Variants in DNAL4 observed in about 807,000 individuals in gnomAD.
The protein encoded by DNAL4 is dynein axonemal light chain 4.
Under a neutral mutation model 12.6 loss-of-function variants are expected in DNAL4, and 10 were observed. That is an observed-to-expected ratio of 0.79 (90% CI 0.49 to 1.34). The LOEUF (loss-of-function observed/expected upper bound fraction) is 1.34. DNAL4 is among the 40% of genes most tolerant of loss of function. The pLI is 0.00. For missense variants in DNAL4, 128 were observed against 138.1 expected, an observed-to-expected ratio of 0.93 and a Z score of 0.37; for synonymous variants, 46 against 53.1, an observed-to-expected ratio of 0.87 and a Z score of 0.58.
intron 1 of DNAL4, among the ~76,000 whole-genome samples, chr22:38,787,346 A>G (rs947518341): frequency 1.3e-5 from 2 of 151,648 alleles, no homozygotes; most frequent in African/African-American, 2.4e-5. Context: ...GGTTCAAGCA[A>G]TTCTTCTGAC....
intron 1 of DNAL4, among the ~76,000 whole-genome samples, chr22:38,790,801 T>G (rs1197706435): frequency 2.0e-5 from 3 of 152,212 alleles, no homozygotes; most frequent in Non-Finnish European, 4.4e-5. Context: ...GGCTACAAAC[T>G]TGTATAGCAT....
chr22:38,780,974 G>A lies in DNAL4; in HGVS notation c.105C>T (p.Thr35=), dbSNP rs561428787. 3.1e-6 allele frequency: 5 copies of A among 1,614,180 alleles called. No individual in the cohort carries two copies. Among genetic ancestry groups the A allele is most frequent in the East Asian group, 4.5e-5 (2 of 44,888 alleles). ...SDMPEEMRVE[T]MELCVTACEK... is the part of the protein sequence containing the mutation. ...CACAGGCTGTGACACATAGCTCCAT[G>A]GTCTCCACGCGCATCTCCTCTGGCA... is the stretch of plus-strand genomic sequence containing the variant. The change falls in exon 3 of 4, where the codon ACC becomes ACT. Residue 35 remains threonine, a synonymous_variant. Coordinates refer to ENST00000216068, the MANE Select transcript of DNAL4 (RefSeq NM_005740.3).
chr22:38,792,316 CTT>C (rs2083367149), intron 1 of DNAL4, among the ~76,000 whole-genome samples: 1 of 141,490 alleles, frequency 7.1e-6, no homozygotes, highest in South Asian at 2.2e-4. Flanking sequence ...AAGTTTTACT[CTT>C]GTTGCCCAGG....
At chr22:38,788,556 T>C (rs2093045783) in intron 1 of DNAL4, among the ~76,000 whole-genome samples, 4 of 152,206 alleles carry the variant, frequency 2.6e-5, no homozygotes. Flanking sequence ...TCCGACACCA[T>C]GTGATAAGTG....
intron 1 of DNAL4, among the ~76,000 whole-genome samples, chr22:38,789,913 A>G (rs1254429392): frequency 2.6e-5 from 4 of 152,230 alleles, no homozygotes; most frequent in African/African-American, 9.6e-5. Context: ...GGGAAAGTCT[A>G]ACAGTCCGAT....
rs2093029450 is a variant in DNAL4, at chr22:38,778,566, T to C, written c.*883A>G. 1 of 152,706 alleles carries C rather than the reference T, an allele frequency of 6.5e-6. No individual in the cohort carries two copies. The highest frequency in any genetic ancestry group is 2.1e-4 in the South Asian group (1 of 4,834). The allele number at this position is 152,706 out of a possible 1,614,324, so 9.5% of individuals were successfully genotyped here. On this transcript the variant is annotated 3_prime_UTR_variant, in exon 4 of 4. Transcript: ENST00000216068. The stretch of plus-strand genomic sequence containing the variant: ...GACATTTATATAAATAAGACCGCTG[T>C]GTAAAATACGATTCACCCTTCTACT...
intron 1 of DNAL4, among the ~76,000 whole-genome samples, chr22:38,785,130 C>A (rs2093040372): frequency 6.6e-6 from 1 of 152,168 alleles, no homozygotes; most frequent in African/African-American, 2.4e-5. Flanking sequence ...AGCACAATTT[C>A]ATTGTACTTT....
rs1454004052 is a variant in DNAL4, at chr22:38,779,684, AAGG to A, written c.154-74_154-72del. The A allele has an allele frequency of 2.0e-6, 3 of 1,509,498 alleles. No individual in the cohort carries two copies. Among genetic ancestry groups the A allele is most frequent in the Non-Finnish European group, 1.8e-6 (2 of 1,118,780 alleles). The allele number at this position is 1,509,498 out of a possible 1,614,324, so 93.5% of individuals were successfully genotyped here. A position where few individuals can be genotyped will look rare whatever the true frequency, so the allele number is the denominator to read the frequency against. Reference sequence around the variant, plus strand: ...GGCAGGAGTCAGGTCCTTCTCCAGGAAGGAGAAGGCTGGCACTGAGGTCTTGGC... The same window carrying A: ...GGCAGGAGTCAGGTCCTTCTCCAGGAAGAAGGCTGGCACTGAGGTCTTGGC... On this transcript the variant is annotated intron_variant, in intron 3 of 3. Coordinates refer to ENST00000216068, the MANE Select transcript of DNAL4 (RefSeq NM_005740.3). This position sits in a 1 kb window ranked among gnomAD's most constrained non-coding sequence, Gnocchi z 4.3.
intron 1 of DNAL4, among the ~76,000 whole-genome samples, chr22:38,791,198 T>C (rs1003043181): frequency 1.3e-5 from 2 of 150,468 alleles, no homozygotes; most frequent in Admixed American, 6.6e-5. Flanking sequence ...AGTAAAAATA[T>C]GCTATAAAAG....
At chr22:38,780,663 C>G (rs1438246767) in intron 3 of DNAL4, 1 of 477,078 alleles carries the variant, frequency 2.1e-6, no homozygotes, top group East Asian at 3.9e-5. Context: ...TATTCAGCAG[C>G]CCACCTGAGG....
chr22:38,780,928 C>T lies in DNAL4; in HGVS notation c.151G>A (p.Glu51Lys), dbSNP rs1158075390. The change falls in exon 3 of 4, where the codon GAG (glutamate) becomes AAG (lysine). Residue 51 changes from glutamate to lysine, a missense_variant and splice_region_variant. Transcript: ENST00000216068. ...GCCGCCTGCACTGCTGGCAATACCT[C>T]GTTGTTGTTGGAGAATTTCTCACAG... ...TACEKFSNNNESAAKMIKETM... is the reference protein window; with the variant it reads ...TACEKFSNNNKSAAKMIKETM... The T allele has an allele frequency of 3.7e-6, 6 of 1,614,108 alleles. No homozygotes were observed. The highest frequency in any genetic ancestry group is 1.7e-5 in the Admixed American group (1 of 60,004).
At chr22:38,788,476 G>A (rs962415304) in intron 1 of DNAL4, among the ~76,000 whole-genome samples, 1 of 152,156 alleles carries the variant, frequency 6.6e-6, no homozygotes, top group Non-Finnish European at 1.5e-5. Context: ...AGGAGTGGAG[G>A]GAAGGAGAGG....
intron 1 of DNAL4, among the ~76,000 whole-genome samples, chr22:38,790,942 T>C (rs893102543): frequency 2.0e-4 from 30 of 151,932 alleles, no homozygotes; most frequent in Admixed American, 3.9e-4. Flanking sequence ...CTGAGGTAGG[T>C]GGATCACTTG....
intron 1 of DNAL4, among the ~76,000 whole-genome samples, chr22:38,792,774 T>C (rs1210168179): frequency 6.6e-6 from 1 of 152,190 alleles, no homozygotes; most frequent in African/African-American, 2.4e-5. Flanking sequence ...AGCCTTTTGC[T>C]TGAATACCTC....
In DNAL4 at chr22:38,782,553, C is replaced by T; in HGVS notation, c.69+110G>A. 9.6e-7 allele frequency: 1 copy of T among 1,041,656 alleles called. No homozygotes were observed. Among genetic ancestry groups the T allele is most frequent in the Non-Finnish European group, 1.4e-6 (1 of 695,948 alleles). 64.5% of individuals were successfully genotyped at this position (1,041,656 alleles called of 1,614,324 possible). ...GATGTCTAGGTCTGAGCCAGCAGAG[C>T]CCTTCTTAACTTCCTCCCACTGCCA... On this transcript the variant is annotated intron_variant, in intron 2 of 3. Coordinates refer to ENST00000216068, the MANE Select transcript of DNAL4 (RefSeq NM_005740.3). This position sits in a 1 kb window ranked among gnomAD's most constrained non-coding sequence, Gnocchi z 5.1.
At chr22:38,791,754 G>C (rs898492679) in intron 1 of DNAL4, among the ~76,000 whole-genome samples, 5 of 151,540 alleles carry the variant, frequency 3.3e-5, no homozygotes, top group South Asian at 2.1e-4. Flanking sequence ...GCAGTAGTGT[G>C]ATCTCAGCTC....
At chr22:38,791,593 T>C (rs2093050697) in intron 1 of DNAL4, among the ~76,000 whole-genome samples, 1 of 152,156 alleles carries the variant, frequency 6.6e-6, no homozygotes, top group African/African-American at 2.4e-5. Context: ...GGTTTCTCCA[T>C]GTTGATCAGG....
chr22:38,786,896 T>C (rs1402548747), intron 1 of DNAL4, among the ~76,000 whole-genome samples: 1 of 152,214 alleles, frequency 6.6e-6, no homozygotes, highest in East Asian at 1.9e-4. Context: ...CCATTCACTA[T>C]TCTGTGTCTG....
Position 38,782,603 on chromosome 22 carries a change from AC to A in DNAL4, c.69+59del. 1.9e-6 allele frequency: 3 copies of A among 1,571,364 alleles called. No individual in the cohort carries two copies. Among genetic ancestry groups the A allele is most frequent in the Non-Finnish European group, 2.6e-6 (3 of 1,148,056 alleles). The stretch of plus-strand genomic sequence containing the variant: ...ATCCTGCAAGGGACAAGCTCCACCC[AC>A]CTCTCTCCAGGCTGTGTGGGCCCTG... On this transcript the variant is annotated intron_variant, in intron 2 of 3. Transcript: ENST00000216068. The surrounding 1 kb of genome is among the most constrained non-coding windows in gnomAD (Gnocchi z 5.1).
Sources: gnomAD v4.1 joint callset for allele counts (sites outside exome capture counted in the v4.1 genomes callset) on GRCh38, gnomAD v4.1.1 for gene constraint, Gnocchi (gnomAD v3.1) non-coding constraint, MANE v1.5 for transcripts, NCBI Gene and HGNC (gene_info 2026-07-23, HGNC 2026-07-21) for gene names.